ITIH5: variants seen among roughly 807,000 people sequenced by gnomAD.
ITIH5 encodes the protein inter-alpha-trypsin inhibitor heavy chain 5, also known as inter-alpha-trypsin inhibitor heavy chain H5.
Under a neutral mutation model 77.5 loss-of-function variants are expected in ITIH5, and 65 were observed. The observed-to-expected ratio is 0.84, with a 90% CI of 0.69 to 1.03. The LOEUF (loss-of-function observed/expected upper bound fraction) is 1.03. Among genes scored for constraint, ITIH5 ranks in the 50% least tolerant of loss-of-function variants. The pLI is 0.00. For synonymous variants in ITIH5, 525 were observed against 494.3 expected (o/e 1.06, Z -0.82); for missense variants, 1,208 against 1,213.1 (o/e 1.00, Z 0.06).
chr10:7,594,651 G>A (rs1832859642), intron 7 of ITIH5, among the ~76,000 whole-genome samples: 1 of 152,104 alleles, frequency 6.6e-6, no homozygotes, highest in South Asian at 2.1e-4. Flanking sequence ...GGCCACTCTT[G>A]CTCTTTGGGG....
intron 1 of ITIH5, among the ~76,000 whole-genome samples, chr10:7,660,887 G>C (rs75536067): frequency 3.3e-5 from 5 of 152,202 alleles, no homozygotes; most frequent in Non-Finnish European, 4.4e-5. Context: ...CATTGTATCC[G>C]TGACTCTAGG....
At chr10:7,655,886 G>A (rs777275317) in intron 1 of ITIH5, among the ~76,000 whole-genome samples, 1 of 152,138 alleles carries the variant, frequency 6.6e-6, no homozygotes, top group Admixed American at 6.5e-5. Flanking sequence ...TGTCAGATCT[G>A]GTTGACTCTT....
In ITIH5 at chr10:7,644,897, T is replaced by A. The variant is rs138781457; in HGVS notation, c.136-2807A>T. Among the ~76,000 whole-genome samples, 65 of 33,914 alleles carry A rather than the reference T, an allele frequency of 1.9e-3. 5 individuals are homozygous for A. In the East Asian group the frequency reaches 0.035, roughly 18 times the overall value. 22.2% of individuals were successfully genotyped at this position (33,914 alleles called of 152,430 possible). On this transcript the variant is annotated intron_variant, in intron 2 of 13. Coordinates refer to ENST00000397146, the MANE Select transcript of ITIH5 (RefSeq NM_030569.7). Reference sequence around the variant, plus strand: ...CACATATATATATCACATATATATATCACATATATATATCACATATATATA... The same window carrying A: ...CACATATATATATCACATATATATAACACATATATATATCACATATATATA...
chr10:7,591,127 C>T (rs1305166342), intron 7 of ITIH5, among the ~76,000 whole-genome samples: 1 of 152,150 alleles, frequency 6.6e-6, no homozygotes, highest in East Asian at 1.9e-4. Flanking sequence ...AATCTCCTGA[C>T]CTCATAATCT....
chr10:7,585,839 AACC>A (rs1482510163), intron 8 of ITIH5, 59 bp downstream of exon 8: 81 of 1,439,600 alleles, frequency 5.6e-5, no homozygotes, highest in East Asian at 1.9e-4. Context: ...AAAAAAAAAA[AACC>A]AAAAAAAAAA....
At chr10:7,598,948 C>T (rs184852412) in intron 7 of ITIH5, among the ~76,000 whole-genome samples, 18 of 152,258 alleles carry the variant, frequency 1.2e-4, no homozygotes, top group East Asian at 1.2e-3. Flanking sequence ...ACTTGAGAAG[C>T]GAACTGTCTC....
intron 2 of ITIH5, 138 bp from the exon 3 acceptor site, chr10:7,642,228 T>C: frequency 1.5e-6 from 1 of 651,258 alleles, no homozygotes; most frequent in Non-Finnish European, 2.6e-6. Context: ...ATTTCCTTTC[T>C]TCTTCTTTTC....
chr10:7,648,422 T>C (rs563802160), intron 2 of ITIH5, among the ~76,000 whole-genome samples: 1 of 152,352 alleles, frequency 6.6e-6, no homozygotes. Context: ...TTGTACACAT[T>C]GAAGATAGAG....
chr10:7,653,224 T>G (rs924003196), intron 2 of ITIH5, among the ~76,000 whole-genome samples: 4 of 152,166 alleles, frequency 2.6e-5, no homozygotes, highest in African/African-American at 7.2e-5. Flanking sequence ...AGGTTGTTTT[T>G]GAGACAGAGT....
At chr10:7,600,089 T>C (rs1433946208) in intron 7 of ITIH5, among the ~76,000 whole-genome samples, 1 of 152,140 alleles carries the variant, frequency 6.6e-6, no homozygotes, top group African/African-American at 2.4e-5. Flanking sequence ...GCTTCTTAGA[T>C]CTATGGGGAA....
intron 5 of ITIH5, among the ~76,000 whole-genome samples, chr10:7,628,123 G>A (rs1833616748): frequency 6.6e-6 from 1 of 152,082 alleles, no homozygotes; most frequent in Non-Finnish European, 1.5e-5. Context: ...TTACAGACCT[G>A]AGCCACCATG....
chr10:7,660,665 C>G (rs1834262650), intron 1 of ITIH5, among the ~76,000 whole-genome samples: 4 of 152,198 alleles, frequency 2.6e-5, no homozygotes, highest in Admixed American at 2.6e-4. Context: ...ACCGGAGCAT[C>G]AGATCATGAC....
chr10:7,654,334 G>T (rs1834146944), intron 2 of ITIH5, among the ~76,000 whole-genome samples: 1 of 152,156 alleles, frequency 6.6e-6, no homozygotes, highest in African/African-American at 2.4e-5. Flanking sequence ...TTGCTGGGAG[G>T]CTATTCTCCA....
chr10:7,665,429 T>C (rs1834346003), intron 1 of ITIH5, among the ~76,000 whole-genome samples: 1 of 152,194 alleles, frequency 6.6e-6, no homozygotes, highest in South Asian at 2.1e-4. Context: ...CACTTGGGTG[T>C]CATAATGCAT....
intron 5 of ITIH5, among the ~76,000 whole-genome samples, chr10:7,626,057 T>C (rs1165186864): frequency 4.6e-5 from 7 of 152,156 alleles, no homozygotes; most frequent in African/African-American, 1.4e-4. Flanking sequence ...AGGGAACTGA[T>C]GTTTCTCTTC....
At chr10:7,653,969 A>G (rs890318373) in intron 2 of ITIH5, among the ~76,000 whole-genome samples, 1 of 152,234 alleles carries the variant, frequency 6.6e-6, no homozygotes, top group African/African-American at 2.4e-5. Context: ...AACCTAGCCA[A>G]CATGGTGAAA....
At chr10:7,642,202 T>C in intron 2 of ITIH5, 112 bp from the exon 3 acceptor site, 2 of 809,386 alleles carry the variant, frequency 2.5e-6, no homozygotes, top group Non-Finnish European at 3.8e-6. Context: ...TTGGGAGCCT[T>C]TGGCATGTGA....
intron 8 of ITIH5, among the ~76,000 whole-genome samples, chr10:7,583,714 CTT>C (rs1256010246): frequency 5.9e-5 from 9 of 152,150 alleles, no homozygotes; most frequent in Non-Finnish European, 1.2e-4. Context: ...ATTTTTTTCT[CTT>C]GTCTCTATTC....
At chr10:7,565,215 TCATA>T (rs1348591767) in intron 13 of ITIH5, among the ~76,000 whole-genome samples, 18 of 143,666 alleles carry the variant, frequency 1.3e-4, no homozygotes, top group Non-Finnish European at 2.0e-4. Context: ...TACACACACA[TCATA>T]CATACATATA....
Sources: allele counts gnomAD v4.1 joint callset (sites outside exome capture counted in the v4.1 genomes callset), GRCh38; gene constraint gnomAD v4.1.1; transcripts MANE v1.5; gene names NCBI Gene and HGNC (gene_info 2026-07-23, HGNC 2026-07-21).